Variants in PGM2 observed in about 807,000 individuals in gnomAD.
PGM2 encodes phosphopentomutase.
A neutral mutation model predicts 74.6 loss-of-function variants in PGM2; 57 were observed. The ratio of observed to expected loss-of-function variants is 0.76; its 90% CI spans 0.62 to 0.95. The LOEUF (loss-of-function observed/expected upper bound fraction) is 0.95, where lower values mean the gene tolerates loss of function less well. Ranked by LOEUF, PGM2 falls within the 40% of genes least tolerant of loss-of-function variation. The pLI is 0.00. For missense variants in PGM2, 706 were observed against 741.9 expected (o/e 0.95, Z 0.56); for synonymous variants, 273 against 260.7 (o/e 1.05, Z -0.46).
chr4:37,850,182 AG>A lies in PGM2; in HGVS notation c.1413del. 1 of 1,506,458 alleles carries A rather than the reference AG, an allele frequency of 6.6e-7. No individual in the cohort carries two copies. Among genetic ancestry groups the A allele is most frequent in the Non-Finnish European group, 9.0e-7 (1 of 1,111,634 alleles). 93.3% of individuals were successfully genotyped at this position (1,506,458 alleles called of 1,614,324 possible). A position where few individuals can be genotyped will look rare whatever the true frequency, so the allele number is the denominator to read the frequency against. On this transcript the variant is annotated splice_acceptor_variant, in intron 11 of 13. Transcript: ENST00000381967. LOFTEE classifies it high-confidence loss of function. ...GTGCATGAATTTGTATTTGTTTGAT[AG>A]GTATGGCTACCATATTACTAAAGCT...
intron 2 of PGM2, among the ~76,000 whole-genome samples, chr4:37,833,245 A>G (rs1390585994): frequency 2.4e-4 from 37 of 152,210 alleles, no homozygotes; most frequent in Admixed American, 2.4e-3. Flanking sequence ...ACTGTGATGT[A>G]TCCCCTCCTA....
At chr4:37,859,225 G>A (rs1339835975) in intron 13 of PGM2, among the ~76,000 whole-genome samples, 1 of 152,128 alleles carries the variant, frequency 6.6e-6, no homozygotes, top group Non-Finnish European at 1.5e-5. Flanking sequence ...AAGACTTCAT[G>A]ATGCTTCACT....
intron 6 of PGM2, among the ~76,000 whole-genome samples, chr4:37,841,090 A>ATGTG (rs1207204514): frequency 8.4e-6 from 1 of 118,936 alleles, no homozygotes; most frequent in Non-Finnish European, 1.6e-5. Context: ...ATATATATAT[A>ATGTG]TATATATATA....
intron 12 of PGM2, among the ~76,000 whole-genome samples, chr4:37,852,041 C>T (rs1726055418): frequency 6.9e-6 from 1 of 145,734 alleles, no homozygotes; most frequent in Non-Finnish European, 1.5e-5. Flanking sequence ...ATGATCACAG[C>T]TCCCTGTAGC....
chr4:37,838,985 G>T (rs1388783517), intron 4 of PGM2, among the ~76,000 whole-genome samples: 1 of 152,076 alleles, frequency 6.6e-6, no homozygotes, highest in Non-Finnish European at 1.5e-5. Context: ...ACAGTAGGGG[G>T]AATAATCCAA....
At position 37,839,913 on chromosome 4, in the gene PGM2, G is replaced by C; in HGVS notation, c.507G>C (p.Lys169Asn). ...GIMITASHNP[K>N]QDNGYKVYWD... ...TGATAACTGCATCTCACAATCCAAA[G>C]CAGGATAATGGTTATAAGGTATTTT... Residue 169 changes from lysine (K) to asparagine (N), a missense_variant, in exon 5 of 14, where the codon AAG (lysine) becomes AAC (asparagine). Physicochemically the swap from Lys to Asn is moderately conservative, Grantham distance 94 (BLOSUM62 0). Transcript: ENST00000381967. 2 of 1,599,134 alleles carry C rather than the reference G, an allele frequency of 1.3e-6. No homozygotes were observed. The highest frequency in any genetic ancestry group is 8.6e-7 in the Non-Finnish European group (1 of 1,166,400).
chr4:37,855,498 T>A, intron 12 of PGM2, 110 bp from the exon 13 acceptor site: 1 of 954,204 alleles, frequency 1.0e-6, no homozygotes, highest in Non-Finnish European at 1.5e-6. Flanking sequence ...TGTTTTTCTT[T>A]TCTAACCAAT....
At chr4:37,828,132 C>T (rs527433509) in intron 1 of PGM2, among the ~76,000 whole-genome samples, 2 of 152,220 alleles carry the variant, frequency 1.3e-5, no homozygotes, top group African/African-American at 2.4e-5. Flanking sequence ...TCCTTGGGGG[C>T]GTTTTTCTTT....
intron 12 of PGM2, among the ~76,000 whole-genome samples, chr4:37,853,349 G>A (rs1012569992): frequency 2.1e-4 from 27 of 130,108 alleles, no homozygotes; most frequent in African/African-American, 7.3e-4. Context: ...TGTTGCCCAG[G>A]GTGATATTCC....
intron 1 of PGM2, among the ~76,000 whole-genome samples, chr4:37,827,343 C>T (rs1259055072): frequency 6.6e-6 from 1 of 152,208 alleles, no homozygotes; most frequent in Admixed American, 6.5e-5. Context: ...AGGAGTCCCC[C>T]TTAGAACTTT....
chr4:37,841,866 G>GC (rs1249618581), intron 6 of PGM2, among the ~76,000 whole-genome samples: 1 of 152,242 alleles, frequency 6.6e-6, no homozygotes, highest in East Asian at 1.9e-4. Context: ...ATGTGTGTGC[G>GC]CATGTGTATC....
intron 13 of PGM2, among the ~76,000 whole-genome samples, chr4:37,858,541 G>A (rs536505297): frequency 3.4e-5 from 5 of 147,950 alleles, no homozygotes; most frequent in African/African-American, 1.3e-4. Context: ...GTAGAGACAA[G>A]GTTTCATCAT....
chr4:37,841,829 G>T (rs918388546), intron 6 of PGM2, among the ~76,000 whole-genome samples: 18 of 152,204 alleles, frequency 1.2e-4, no homozygotes, highest in African/African-American at 4.3e-4. Flanking sequence ...TATGTGTGTG[G>T]GTGTGTGCGC....
At chr4:37,854,248 TA>T (rs1241060047) in intron 12 of PGM2, among the ~76,000 whole-genome samples, 1 of 152,226 alleles carries the variant, frequency 6.6e-6, no homozygotes, top group African/African-American at 2.4e-5. Flanking sequence ...TTTTGGGACC[TA>T]TCAAATATAA....
At chr4:37,840,037 C>G in intron 5 of PGM2, 29 bp from the exon 6 acceptor site, 1 of 1,588,884 alleles carries the variant, frequency 6.3e-7, no homozygotes, top group African/African-American at 1.3e-5. Flanking sequence ...TAACTGTAAA[C>G]CTTCTGAATG....
intron 13 of PGM2, among the ~76,000 whole-genome samples, chr4:37,857,014 T>G (rs1051975959): frequency 5.9e-5 from 9 of 152,300 alleles, no homozygotes; most frequent in African/African-American, 2.2e-4. Context: ...TATCTCAATT[T>G]GAATGCTCCA....
rs1208261883 is a variant in PGM2, at chr4:37,837,609, T to C, written c.437T>C (p.Phe146Ser). The change falls in exon 4 of 14, where the codon TTT becomes TCT. Residue 146 changes from phenylalanine to serine, a missense_variant. By Grantham distance (155) the Phe-to-Ser change is radical. This residue lies in a region of PGM2 where 332 missense variants were observed against 334.9 expected (regional missense o/e 0.99). Transcript: ENST00000381967. ...YLFSDITPTP[F>S]VPFTVSHLKL... ...TTTTCTGATATAACGCCAACCCCCT[T>C]TGTGGTAAGTAGCCATTTCCTTTCA... is the stretch of plus-strand genomic sequence containing the variant. 1 of 1,589,136 alleles carries C rather than the reference T, an allele frequency of 6.3e-7. No individual in the cohort carries two copies. The highest frequency in any genetic ancestry group is 8.6e-7 in the Non-Finnish European group (1 of 1,157,180).
intron 13 of PGM2, among the ~76,000 whole-genome samples, chr4:37,858,792 G>T (rs1297523921): frequency 6.6e-6 from 1 of 152,086 alleles, no homozygotes; most frequent in African/African-American, 2.4e-5. Context: ...TCAAGTATGT[G>T]CTGCTTTAAA....
intron 6 of PGM2, among the ~76,000 whole-genome samples, chr4:37,840,980 A>ATATG (rs1553885966): frequency 1.6e-4 from 23 of 142,878 alleles, no homozygotes; most frequent in African/African-American, 5.3e-4. Flanking sequence ...ATATATATAT[A>ATATG]TATGTATGTT....
Sources: gnomAD v4.1 joint callset for allele counts (sites outside exome capture counted in the v4.1 genomes callset) on GRCh38, gnomAD v4.1.1 for gene constraint, gnomAD v4.1.1 regional missense constraint, MANE v1.5 for transcripts, NCBI Gene and HGNC (gene_info 2026-07-23, HGNC 2026-07-21) for gene names.